Variants in NXNL2 observed in about 807,000 individuals in gnomAD.
The protein encoded by NXNL2 is nucleoredoxin-like protein 2.
A neutral mutation model predicts 11.1 loss-of-function variants in NXNL2; 7 were observed. The observed-to-expected ratio is 0.63, with a 90% CI of 0.36 to 1.18. The LOEUF (loss-of-function observed/expected upper bound fraction) is 1.18, where lower values mean the gene tolerates loss of function less well. Among genes scored for constraint, NXNL2 ranks in the 50% most tolerant of loss-of-function variants. The pLI is 0.02. For synonymous variants in NXNL2, 109 were observed against 101.8 expected (o/e 1.07, Z -0.42); for missense variants, 233 against 217.7 (o/e 1.07, Z -0.44).
At chr9:88,580,270 C>T (rs1830395096), downstream of NXNL2, among the ~76,000 whole-genome samples, 1 of 151,350 alleles carries the variant, frequency 6.6e-6, no homozygotes. Flanking sequence ...TCTTCTGCCT[C>T]AGCCTCCCAA....
At chr9:88,556,267 C>A (rs1311569743) in intron 1 of NXNL2, among the ~76,000 whole-genome samples, 3 of 152,184 alleles carry the variant, frequency 2.0e-5, no homozygotes, top group African/African-American at 7.2e-5. Flanking sequence ...GGGAGGCCAC[C>A]TGGCAATGGC....
At chr9:88,542,525 T>A (rs1028067635) in intron 1 of NXNL2, among the ~76,000 whole-genome samples, 4 of 151,998 alleles carry the variant, frequency 2.6e-5, no homozygotes, top group Non-Finnish European at 4.4e-5. Context: ...CCTGACTTCA[T>A]GATCTGCCCA....
At chr9:88,577,320 CA>C (rs533759036), downstream of NXNL2, among the ~76,000 whole-genome samples, 53 of 151,972 alleles carry the variant, frequency 3.5e-4, no homozygotes, top group South Asian at 4.6e-3. Flanking sequence ...GGCATGAGAC[CA>C]TCAGGTGTTT....
Position 88,540,323 on chromosome 9 carries a change from C to T in NXNL2, c.303-4056C>T, listed in dbSNP as rs1292753591. 2.7e-5 allele frequency among the ~76,000 whole-genome samples: 4 copies of T among 147,838 alleles called. No homozygotes were observed. The South Asian group carries it at 8.5e-4, about 31-fold the overall frequency. ...CTCCAGTCTGGGCGAAAGAGCGAGA[C>T]TCCATCTTAAAAAAAAAAAAAAAAT... On this transcript the variant is annotated intron_variant, in intron 1 of 1. Coordinates refer to ENST00000375854, the MANE Select transcript of NXNL2 (RefSeq NM_001161625.2).
In NXNL2 at chr9:88,544,572, G is replaced by A; in HGVS notation, c.*25G>A. 6.7e-7 allele frequency: 1 copy of A among 1,495,878 alleles called. No homozygotes were observed. Among genetic ancestry groups the A allele is most frequent in the African/African-American group, 1.4e-5 (1 of 71,596 alleles). 92.7% of individuals were successfully genotyped at this position (1,495,878 alleles called of 1,614,324 possible). ...AAGTGGGAGGGACCTCAGAGGGCCA[G>A]GACAGGTGCTGCTTCTCCAGCACCG... On this transcript the variant is annotated 3_prime_UTR_variant, in exon 2 of 2. Coordinates refer to ENST00000375854, the MANE Select transcript of NXNL2 (RefSeq NM_001161625.2).
chr9:88,582,448 G>A (rs539825032), intron 1 of NXNL2, among the ~76,000 whole-genome samples: 159 of 151,952 alleles, frequency 1.0e-3, no homozygotes, highest in African/African-American at 3.7e-3. Context: ...CAGCCTGGGC[G>A]ACAGAGAGAG....
chr9:88,540,735 G>C (rs564466283), intron 1 of NXNL2, among the ~76,000 whole-genome samples: 145 of 112,284 alleles, frequency 1.3e-3, no homozygotes, highest in South Asian at 6.0e-3. Flanking sequence ...CCGGACTGCC[G>C]GGGTGGGGGC....
exon 2 of NXNL2, chr9:88,584,169 TTAGTATTTC>T (rs1349738119): frequency 3.9e-5 from 6 of 152,234 alleles, no homozygotes; most frequent in Non-Finnish European, 8.8e-5. Flanking sequence ...CAGTCTGTTT[TTAGTATTTC>T]TAAACATGAA....
downstream of NXNL2, among the ~76,000 whole-genome samples, chr9:88,576,660 GACA>G (rs1433566848): frequency 6.6e-6 from 1 of 152,172 alleles, no homozygotes. Context: ...AGCCTAGAAG[GACA>G]ACTTGTGTCT....
Position 88,544,859 on chromosome 9 carries a change from C to G in NXNL2, c.*312C>G. 9.6e-7 allele frequency: 1 copy of G among 1,037,404 alleles called. No homozygotes were observed. The highest frequency in any genetic ancestry group is 4.4e-5 in the South Asian group (1 of 22,618). 64.3% of individuals were successfully genotyped at this position (1,037,404 alleles called of 1,614,324 possible). On this transcript the variant is annotated 3_prime_UTR_variant, in exon 2 of 2. Transcript: ENST00000375854. ...AATCTATGCAAGACATTTATTTGTA[C>G]AAGTCTCTTCAGGTAAAATAATATA... is the stretch of plus-strand genomic sequence containing the variant.
At chr9:88,581,686 C>T (rs1267930311) in intron 1 of NXNL2, among the ~76,000 whole-genome samples, 1 of 152,172 alleles carries the variant, frequency 6.6e-6, no homozygotes, top group Admixed American at 6.5e-5. Flanking sequence ...AAACACCCGA[C>T]CTCAGGTGAT....
At chr9:88,577,320 C>T (rs146807063), downstream of NXNL2, among the ~76,000 whole-genome samples, 105 of 151,972 alleles carry the variant, frequency 6.9e-4, 1 homozygote, top group East Asian at 0.018. Flanking sequence ...GGCATGAGAC[C>T]ATCAGGTGTT....
chr9:88,569,888 T>C (rs1025366281), intron 1 of NXNL2, among the ~76,000 whole-genome samples: 3 of 152,148 alleles, frequency 2.0e-5, no homozygotes, highest in Non-Finnish European at 4.4e-5. Flanking sequence ...GCAGAGATTG[T>C]TTTTTGTATG....
chr9:88,583,623 G>T (rs140948573), intron 1 of NXNL2, among the ~76,000 whole-genome samples: 1 of 152,198 alleles, frequency 6.6e-6, no homozygotes, highest in Non-Finnish European at 1.5e-5. Flanking sequence ...GACTTTGGTC[G>T]TGGTGGTGGT....
chr9:88,557,553 G>A (rs1241155921), intron 1 of NXNL2, among the ~76,000 whole-genome samples: 2 of 152,222 alleles, frequency 1.3e-5, no homozygotes, highest in Non-Finnish European at 1.5e-5. Context: ...GGCTTGAAAT[G>A]ACTTCCCTAT....
At chr9:88,571,993 C>A (rs994932733) in intron 2 of NXNL2, among the ~76,000 whole-genome samples, 8 of 152,244 alleles carry the variant, frequency 5.3e-5, no homozygotes, top group South Asian at 4.1e-4. Flanking sequence ...GGCTTCTGGT[C>A]CCCAAACAAA....
chr9:88,565,586 G>T (rs1564075122), intron 1 of NXNL2, among the ~76,000 whole-genome samples: 1 of 152,012 alleles, frequency 6.6e-6, no homozygotes, highest in Non-Finnish European at 1.5e-5. Flanking sequence ...TGCCCAGGCT[G>T]GAGTGCAGTG....
At chr9:88,581,884 G>C (rs72618180) in intron 1 of NXNL2, among the ~76,000 whole-genome samples, 29,652 of 152,214 alleles carry the variant, frequency 0.19, 4,533 homozygotes, top group East Asian at 0.89. Flanking sequence ...AGTTGAGAAG[G>C]TTCTGTTTTT....
intron 1 of NXNL2, among the ~76,000 whole-genome samples, chr9:88,551,498 C>T (rs548470393): frequency 6.6e-6 from 1 of 152,234 alleles, no homozygotes; most frequent in Admixed American, 6.5e-5. Context: ...TCTCTTCTCT[C>T]CCTCCTTTCC....
Sources: allele counts gnomAD v4.1 joint callset (sites outside exome capture counted in the v4.1 genomes callset), GRCh38; gene constraint gnomAD v4.1.1; transcripts MANE v1.5; gene names NCBI Gene and HGNC (gene_info 2026-07-23, HGNC 2026-07-21).